Variants in OSTN observed in about 807,000 individuals in gnomAD.
The protein encoded by OSTN is osteocrin.
A neutral mutation model predicts 12.0 loss-of-function variants in OSTN; 9 were observed. The observed-to-expected ratio is 0.75, with a 90% CI of 0.45 to 1.30. The LOEUF (loss-of-function observed/expected upper bound fraction) is 1.30. Ranked by LOEUF, OSTN falls within the 50% of genes most tolerant of loss-of-function variation. The probability of loss-of-function intolerance (pLI) is 0.00; values close to 1 mark genes in which losing one functional copy is unlikely to be tolerated. For missense variants in OSTN, 148 were observed against 152.3 expected (o/e 0.97, Z 0.15); for synonymous variants, 59 against 56.9 (o/e 1.04, Z -0.16).
chr3:191,204,350 A>G (rs1576920598), intron 1 of OSTN, among the ~76,000 whole-genome samples: 1 of 152,300 alleles, frequency 6.6e-6, no homozygotes, highest in East Asian at 1.9e-4. Context: ...ATGCACCACG[A>G]GTATTTCTCA....
In OSTN at chr3:191,220,070, T is replaced by C. The variant is rs563591622; in HGVS notation, c.317+1109T>C. ...AAGAGCTACAGGGAATTTCATAATC[T>C]GGAACCTCATTTCTTCTTGTACTCA... On this transcript the variant is annotated intron_variant, in intron 3 of 4. Coordinates refer to ENST00000682035, the MANE Select transcript of OSTN (RefSeq NM_198184.2). 2.6e-4 allele frequency among the ~76,000 whole-genome samples: 39 copies of C among 152,342 alleles called. No homozygotes were observed. In the South Asian group the frequency reaches 5.8e-3, roughly 23 times the overall value.
At chr3:191,237,146 G>A (rs1289699802) in intron 3 of OSTN, among the ~76,000 whole-genome samples, 1 of 152,064 alleles carries the variant, frequency 6.6e-6, no homozygotes, top group African/African-American at 2.4e-5. Context: ...AGTAAATCTA[G>A]GTTTTACATG....
intron 1 of OSTN, among the ~76,000 whole-genome samples, chr3:191,211,293 TACAG>T (rs1714411095): frequency 6.6e-6 from 1 of 152,232 alleles, no homozygotes. Flanking sequence ...AATCCATGCA[TACAG>T]ACAAACATAC....
At chr3:191,218,670 G>A in intron 2 of OSTN, 77 bp from the exon 3 acceptor site, 2 of 1,202,704 alleles carry the variant, frequency 1.7e-6, no homozygotes, top group Middle Eastern at 2.0e-4. Flanking sequence ...GCTAACAGTA[G>A]CAAAAGCCAG....
At chr3:191,210,080 C>T (rs1714379840) in intron 1 of OSTN, among the ~76,000 whole-genome samples, 1 of 152,268 alleles carries the variant, frequency 6.6e-6, no homozygotes, top group Middle Eastern at 3.4e-3. Flanking sequence ...CTGGGGAGGC[C>T]TCAGGAAACT....
At chr3:191,259,762 A>T (rs1009685970) in intron 4 of OSTN, among the ~76,000 whole-genome samples, 1 of 151,758 alleles carries the variant, frequency 6.6e-6, no homozygotes, top group African/African-American at 2.4e-5. Context: ...ATCTCTTACA[A>T]AGGATTTTAA....
intron 3 of OSTN, among the ~76,000 whole-genome samples, chr3:191,233,621 G>T (rs764034691): frequency 6.6e-5 from 10 of 152,064 alleles, no homozygotes; most frequent in Non-Finnish European, 1.3e-4. Context: ...AAAGTGCTAG[G>T]ATTACAGGCA....
At chr3:191,238,476 A>G (rs1715250775) in intron 3 of OSTN, among the ~76,000 whole-genome samples, 1 of 152,228 alleles carries the variant, frequency 6.6e-6, no homozygotes, top group African/African-American at 2.4e-5. Context: ...TCTCATGCTC[A>G]GTAAATCTAC....
intron 3 of OSTN, chr3:191,229,707 C>T (rs569799564): frequency 3.9e-5 from 6 of 152,068 alleles, no homozygotes; most frequent in African/African-American, 1.4e-4. Context: ...TGCAATGAAA[C>T]AAATTAATGT....
chr3:191,220,175 T>A (rs1714726837), intron 3 of OSTN, among the ~76,000 whole-genome samples: 1 of 152,214 alleles, frequency 6.6e-6, no homozygotes. Context: ...TCCCTGGTTT[T>A]TTATGCTAAA....
chr3:191,261,008 T>C lies in OSTN; in HGVS notation c.*13-1858T>C, dbSNP rs373103338. 4.6e-5 allele frequency among the ~76,000 whole-genome samples: 7 copies of C among 152,334 alleles called. No individual in the cohort carries two copies. The East Asian group carries it at 1.3e-3, about 29-fold the overall frequency. On this transcript the variant is annotated intron_variant, in intron 4 of 4. Coordinates refer to ENST00000682035, the MANE Select transcript of OSTN (RefSeq NM_198184.2). ...GAAAGAGTGATTTTTACCATTCACC[T>C]GATCAGATTACAGAGAGAGAGAGAT...
intron 3 of OSTN, among the ~76,000 whole-genome samples, chr3:191,221,769 T>C (rs969441722): frequency 3.3e-5 from 5 of 152,174 alleles, no homozygotes; most frequent in African/African-American, 1.2e-4. Flanking sequence ...GAAATGTACA[T>C]GAATAACTAG....
At chr3:191,261,589 CA>C (rs1274042046) in intron 4 of OSTN, among the ~76,000 whole-genome samples, 2 of 152,116 alleles carry the variant, frequency 1.3e-5, no homozygotes, top group Admixed American at 1.3e-4. Context: ...CAAATCCCCC[CA>C]CAAAAAAACA....
chr3:191,252,691 C>A (rs1310978133), intron 4 of OSTN, among the ~76,000 whole-genome samples: 1 of 152,208 alleles, frequency 6.6e-6, no homozygotes, highest in Non-Finnish European at 1.5e-5. Context: ...AGATTTCTCT[C>A]AGACATTTGT....
intron 3 of OSTN, among the ~76,000 whole-genome samples, chr3:191,233,385 T>C (rs1715109070): frequency 6.6e-6 from 1 of 152,198 alleles, no homozygotes. Context: ...AAAATATTTT[T>C]CTCATTTCCA....
chr3:191,251,130 A>C (rs947838452), intron 4 of OSTN, among the ~76,000 whole-genome samples: 2 of 152,186 alleles, frequency 1.3e-5, no homozygotes, highest in Non-Finnish European at 2.9e-5. Context: ...ATGTTAATTT[A>C]TTAATAAGTA....
At chr3:191,220,219 C>A (rs1489930071) in intron 3 of OSTN, among the ~76,000 whole-genome samples, 1 of 152,056 alleles carries the variant, frequency 6.6e-6, no homozygotes, top group Non-Finnish European at 1.5e-5. Flanking sequence ...ATTTGCTATA[C>A]CTCTGTTCTG....
chr3:191,261,885 T>C (rs1369060138), intron 4 of OSTN, among the ~76,000 whole-genome samples: 2 of 152,210 alleles, frequency 1.3e-5, no homozygotes, highest in Non-Finnish European at 2.9e-5. Flanking sequence ...TCTAGGTCTG[T>C]GCCATTGAAA....
At chr3:191,252,232 T>A (rs1268073916) in intron 4 of OSTN, among the ~76,000 whole-genome samples, 3 of 152,160 alleles carry the variant, frequency 2.0e-5, no homozygotes, top group African/African-American at 4.8e-5. Flanking sequence ...GTTACTTTTT[T>A]AAAAATATAT....
Sources: gnomAD v4.1 joint callset for allele counts (sites outside exome capture counted in the v4.1 genomes callset) on GRCh38, gnomAD v4.1.1 for gene constraint, MANE v1.5 for transcripts, NCBI Gene and HGNC (gene_info 2026-07-23, HGNC 2026-07-21) for gene names.